Variants in ZFR observed in about 807,000 individuals in gnomAD.
ZFR encodes the protein zinc finger RNA-binding protein.
In ZFR, 19 loss-of-function variants were observed where a neutral mutation model predicts 130.7. The ratio of observed to expected loss-of-function variants is 0.15; its 90% CI spans 0.10 to 0.21. ZFR has a LOEUF of 0.21. Ranked by LOEUF, ZFR falls within the 10% of genes least tolerant of loss-of-function variation. The pLI, the probability that ZFR is intolerant of heterozygous loss-of-function variation, is 1.00. For missense variants in ZFR, 872 were observed against 1,321.5 expected (o/e 0.66, Z 5.27); for synonymous variants, 466 against 456.9 (o/e 1.02, Z -0.25).
intron 15 of ZFR, among the ~76,000 whole-genome samples, chr5:32,381,565 T>C (rs1419234577): frequency 1.3e-5 from 2 of 152,146 alleles, no homozygotes; most frequent in African/African-American, 4.8e-5. Context: ...AAAAAGTTAA[T>C]TATCTTAAGA....
chr5:32,427,136 G>A (rs181052240), intron 2 of ZFR, among the ~76,000 whole-genome samples: 2 of 151,610 alleles, frequency 1.3e-5, no homozygotes, highest in Admixed American at 6.6e-5. Context: ...TAAAAAACTC[G>A]GGCCAGGCAC....
chr5:32,376,316 T>C (rs1454574904), intron 17 of ZFR, among the ~76,000 whole-genome samples: 2 of 152,068 alleles, frequency 1.3e-5, no homozygotes, highest in Non-Finnish European at 2.9e-5. Context: ...TATACATATC[T>C]ATAGAAAATA....
Position 32,435,021 on chromosome 5 carries a change from T to C in ZFR, c.137+9208A>G, listed in dbSNP as rs185278579. ...CAGCCTTGACCTCCCCAGGCTCCGG[T>C]GATCCTCCCACCTCAGCCTCTCGAG... On this transcript the variant is annotated intron_variant, in intron 2 of 19. Transcript: ENST00000265069. Among the ~76,000 whole-genome samples the C allele has an allele frequency of 9.9e-5, 15 of 152,224 alleles. No homozygotes were observed. In the East Asian group the frequency reaches 2.9e-3, roughly 29 times the overall value.
chr5:32,356,627 G>C (rs1752315872), intron 19 of ZFR, among the ~76,000 whole-genome samples: 2 of 151,778 alleles, frequency 1.3e-5, no homozygotes, highest in Admixed American at 1.3e-4. Flanking sequence ...CACTGTGTTA[G>C]CCAGGATTGT....
chr5:32,382,369 C>A (rs1209455196), intron 15 of ZFR, among the ~76,000 whole-genome samples: 1 of 152,070 alleles, frequency 6.6e-6, no homozygotes, highest in African/African-American at 2.4e-5. Context: ...CTGACTTCCC[C>A]AAAGCAGTAT....
Position 32,435,560 on chromosome 5 carries a change from GAAGT to G in ZFR, c.137+8665_137+8668del, listed in dbSNP as rs574615780. On this transcript the variant is annotated intron_variant, in intron 2 of 19. Coordinates refer to ENST00000265069, the MANE Select transcript of ZFR (RefSeq NM_016107.5). ...CGGTTTGGGAATGGGCAGGATTGGG[GAAGT>G]AAGAGAAGCTATAAAGCCACTTTCA... 3.9e-3 allele frequency among the ~76,000 whole-genome samples: 589 copies of G among 152,310 alleles called. 2 individuals are homozygous for G. Among genetic ancestry groups the G allele is most frequent in the African/African-American group, 0.014 (574 of 41,570 alleles).
At chr5:32,423,456 C>A (rs1017376282) in intron 2 of ZFR, among the ~76,000 whole-genome samples, 1 of 152,006 alleles carries the variant, frequency 6.6e-6, no homozygotes, top group Admixed American at 6.6e-5. Flanking sequence ...GGGAAATGAA[C>A]ATATGAAGGC....
chr5:32,438,989 T>C (rs566889957), intron 2 of ZFR, among the ~76,000 whole-genome samples: 10 of 152,348 alleles, frequency 6.6e-5, no homozygotes, highest in South Asian at 6.2e-4. Context: ...TCCAAAGTTA[T>C]GTCCTTTTGT....
chr5:32,431,349 CTATTGGTTAGGGGAATAAA>C (rs1450193707), intron 2 of ZFR, among the ~76,000 whole-genome samples: 1 of 152,082 alleles, frequency 6.6e-6, no homozygotes, highest in Non-Finnish European at 1.5e-5. Context: ...TATTTTAAGT[CTATTGGTTAGGGGAATAAA>C]ACTAATGACT....
chr5:32,384,449 T>A (rs1049368903), intron 15 of ZFR, among the ~76,000 whole-genome samples: 7 of 152,206 alleles, frequency 4.6e-5, no homozygotes, highest in Admixed American at 3.9e-4. Flanking sequence ...GTTCTTTTCC[T>A]GGGTTGTGAA....
rs140583987 is a variant in ZFR at position 32,389,972 on chromosome 5, G to A, written c.2142+303C>T. 7.6e-3 allele frequency among the ~76,000 whole-genome samples: 1,152 copies of A among 152,326 alleles called. 12 individuals carry two copies. Among genetic ancestry groups the A allele is most frequent in the African/African-American group, 0.026 (1,086 of 41,568 alleles). ...TCAAGACCAGCCTGGCCAACGTGGC[G>A]AAACTCTATCTCTACTAATAATACA... On this transcript the variant is annotated intron_variant, in intron 12 of 19. Transcript: ENST00000265069.
At chr5:32,413,813 T>G (rs763103904) in intron 5 of ZFR, among the ~76,000 whole-genome samples, 2 of 152,230 alleles carry the variant, frequency 1.3e-5, no homozygotes, top group African/African-American at 2.4e-5. Context: ...AGTATTTTCT[T>G]GAGATCTTAA....
At chr5:32,416,740 G>A (rs1753835360) in intron 4 of ZFR, among the ~76,000 whole-genome samples, 1 of 151,774 alleles carries the variant, frequency 6.6e-6, no homozygotes, top group South Asian at 2.1e-4. Context: ...CTGAAATTTG[G>A]GTCAACTACC....
At chr5:32,384,819 T>C (rs1456496728) in intron 15 of ZFR, among the ~76,000 whole-genome samples, 2 of 152,162 alleles carry the variant, frequency 1.3e-5, no homozygotes, top group African/African-American at 2.4e-5. Context: ...TCATATTCTA[T>C]AGTTGTAAAT....
At chr5:32,435,726 A>G (rs750334774) in intron 2 of ZFR, among the ~76,000 whole-genome samples, 1 of 152,186 alleles carries the variant, frequency 6.6e-6, no homozygotes, top group Non-Finnish European at 1.5e-5. Context: ...TGACTACCAT[A>G]CTAGTAGTGT....
At chr5:32,379,910 G>A in intron 16 of ZFR, 165 bp downstream of exon 16, 1 of 532,528 alleles carries the variant, frequency 1.9e-6, no homozygotes, top group Non-Finnish European at 3.3e-6. Context: ...ACTGCAATAT[G>A]CAGATCATCA....
intron 17 of ZFR, among the ~76,000 whole-genome samples, chr5:32,373,297 A>G (rs989740726): frequency 1.3e-5 from 2 of 152,020 alleles, no homozygotes; most frequent in African/African-American, 4.8e-5. Flanking sequence ...GGATGCTAAC[A>G]CAGGAGAATT....
chr5:32,354,861 T>TG lies in ZFR; in HGVS notation c.*898dup, dbSNP rs1318669267. 2 of 152,246 alleles carry TG rather than the reference T, an allele frequency of 1.3e-5. No individual in the cohort carries two copies. The highest frequency in any genetic ancestry group is 6.5e-5 in the Admixed American group (1 of 15,272). The allele number at this position is 152,246 out of a possible 1,614,324, so 9.4% of individuals were successfully genotyped here. On this transcript the variant is annotated 3_prime_UTR_variant, in exon 20 of 20. Transcript: ENST00000265069. The stretch of plus-strand genomic sequence containing the variant: ...AAATATTGGTTAGCCCACTTATATG[T>TG]GAAAAATGCCCTTTCCACTTATACA...
rs1753511953 is a variant in ZFR, at chr5:32,403,415, A to G, written c.1225-18T>C. 6.3e-7 allele frequency: 1 copy of G among 1,598,880 alleles called. No homozygotes were observed. Among genetic ancestry groups the G allele is most frequent in the Non-Finnish European group, 8.5e-7 (1 of 1,170,342 alleles). On this transcript the variant is annotated intron_variant, in intron 7 of 19. Transcript: ENST00000265069. ...TTAACCACCTATAAAACAAAAGCAC[A>G]CTTATTTGTCAGGAAACTCAAATAG...
Sources: allele counts gnomAD v4.1 joint callset (sites outside exome capture counted in the v4.1 genomes callset), GRCh38; gene constraint gnomAD v4.1.1; transcripts MANE v1.5; gene names NCBI Gene and HGNC (gene_info 2026-07-23, HGNC 2026-07-21).